COL13A1: variants seen among roughly 807,000 people sequenced by gnomAD.
COL13A1 encodes the protein collagen type XIII alpha 1 chain, also known as collagen alpha-1(XIII) chain.
COL13A1 carries 89 observed loss-of-function variants against 130.9 expected under a neutral mutation model. That is an observed-to-expected ratio of 0.68 (90% CI 0.57 to 0.81). The LOEUF (loss-of-function observed/expected upper bound fraction) is 0.81. Among genes scored for constraint, COL13A1 ranks in the 30% least tolerant of loss-of-function variants. COL13A1 has a pLI of 0.00. For synonymous variants in COL13A1, 402 were observed against 341.6 expected (o/e 1.18, Z -1.95); for missense variants, 879 against 934.6 (o/e 0.94, Z 0.78).
At chr10:69,950,337 T>C (rs1334435344) in intron 38 of COL13A1, among the ~76,000 whole-genome samples, 1 of 152,168 alleles carries the variant, frequency 6.6e-6, no homozygotes, top group Non-Finnish European at 1.5e-5. Flanking sequence ...CAGGCAACGT[T>C]ACTACTCTAA....
chr10:69,840,070 C>G (rs1851185673), intron 2 of COL13A1, among the ~76,000 whole-genome samples: 1 of 152,146 alleles, frequency 6.6e-6, no homozygotes, highest in South Asian at 2.1e-4. Flanking sequence ...GGAGAGTGTG[C>G]AGATTTTGGG....
chr10:69,878,562 A>G lies in COL13A1; in HGVS notation c.462+497A>G, dbSNP rs188270368. Among the ~76,000 whole-genome samples the G allele has an allele frequency of 3.2e-3, 483 of 151,856 alleles. 6 individuals carry two copies. Among genetic ancestry groups the G allele is most frequent in the African/African-American group, 0.011 (473 of 41,406 alleles). On this transcript the variant is annotated intron_variant, in intron 6 of 40. Transcript: ENST00000645393. ...AGTGGCGAGATCTCGGCTCACTGCA[A>G]CCTCCGTCTCCTGGGTTCAAGCAAT...
chr10:69,814,030 G>A (rs181185683), intron 1 of COL13A1, among the ~76,000 whole-genome samples: 27 of 152,260 alleles, frequency 1.8e-4, no homozygotes, highest in South Asian at 1.0e-3. Flanking sequence ...CATCTGACCC[G>A]GGACCCTGAC....
At chr10:69,817,347 T>A (rs1024506886) in intron 1 of COL13A1, among the ~76,000 whole-genome samples, 1 of 151,348 alleles carries the variant, frequency 6.6e-6, no homozygotes, top group Non-Finnish European at 1.5e-5. Flanking sequence ...GGACGGCACG[T>A]GTAGTGGTGG....
chr10:69,917,744 C>A (rs918088222), intron 18 of COL13A1, among the ~76,000 whole-genome samples: 1 of 152,006 alleles, frequency 6.6e-6, no homozygotes, highest in Non-Finnish European at 1.5e-5. Flanking sequence ...AGGGTTCACT[C>A]CAGCCACTCC....
chr10:69,868,147 G>A (rs1200462026), intron 3 of COL13A1, among the ~76,000 whole-genome samples: 1 of 146,996 alleles, frequency 6.8e-6, no homozygotes, highest in Non-Finnish European at 1.5e-5. Flanking sequence ...AAAGCACCAG[G>A]TATTAGAAGA....
intron 2 of COL13A1, among the ~76,000 whole-genome samples, chr10:69,860,915 C>A (rs4341432): frequency 1.3e-5 from 2 of 152,182 alleles, no homozygotes; most frequent in Non-Finnish European, 2.9e-5. Context: ...GCTAGGCTGG[C>A]GAACGGCTTC....
intron 34 of COL13A1, among the ~76,000 whole-genome samples, chr10:69,937,947 C>G (rs1186740670): frequency 1.3e-5 from 2 of 152,262 alleles, no homozygotes; most frequent in Non-Finnish European, 2.9e-5. Flanking sequence ...CAGGCTCCCC[C>G]ACCCCAAGGG....
At chr10:69,898,360 G>A (rs1018603732) in intron 13 of COL13A1, among the ~76,000 whole-genome samples, 22 of 152,314 alleles carry the variant, frequency 1.4e-4, no homozygotes, top group African/African-American at 4.8e-4. Flanking sequence ...GGCAAGCCTG[G>A]CCATGTGGGA....
intron 35 of COL13A1, among the ~76,000 whole-genome samples, chr10:69,942,570 A>G (rs1229146546): frequency 6.6e-6 from 1 of 151,338 alleles, no homozygotes; most frequent in African/African-American, 2.4e-5. Context: ...TCAGTATCCT[A>G]ACTTTAAGGG....
At chr10:69,863,507 AG>A (rs1361877361) in intron 2 of COL13A1, among the ~76,000 whole-genome samples, 1 of 152,152 alleles carries the variant, frequency 6.6e-6, no homozygotes, top group African/African-American at 2.4e-5. Context: ...GCGGTCAAGC[AG>A]GGTCAGAAGA....
intron 17 of COL13A1, among the ~76,000 whole-genome samples, chr10:69,914,435 G>A (rs2063707673): frequency 6.6e-6 from 1 of 152,198 alleles, no homozygotes; most frequent in Non-Finnish European, 1.5e-5. Context: ...GGAGGTATCT[G>A]ATCTAACCGC....
chr10:69,896,745 A>G (rs1163719219), intron 13 of COL13A1, among the ~76,000 whole-genome samples: 1 of 152,164 alleles, frequency 6.6e-6, no homozygotes, highest in Non-Finnish European at 1.5e-5. Context: ...GATGGGTTTA[A>G]GGCTACGGCG....
chr10:69,926,399 T>C (rs1183536774), intron 26 of COL13A1, among the ~76,000 whole-genome samples: 3 of 152,198 alleles, frequency 2.0e-5, no homozygotes, highest in African/African-American at 7.2e-5. Context: ...CGGTCCTGTG[T>C]GTTGTAGGAT....
intron 2 of COL13A1, among the ~76,000 whole-genome samples, chr10:69,823,181 C>T (rs1361889426): frequency 1.3e-5 from 2 of 152,196 alleles, no homozygotes; most frequent in East Asian, 1.9e-4. Flanking sequence ...TGCTGGGCAC[C>T]ATGCAGTGTG....
intron 10 of COL13A1, among the ~76,000 whole-genome samples, chr10:69,892,099 C>G (rs1359377522): frequency 1.3e-5 from 2 of 152,352 alleles, no homozygotes; most frequent in East Asian, 1.9e-4. Context: ...GGCCCACCCC[C>G]TCTCTCGTGA....
At chr10:69,876,191 C>G (rs1286760028) in intron 5 of COL13A1, among the ~76,000 whole-genome samples, 1 of 152,164 alleles carries the variant, frequency 6.6e-6, no homozygotes, top group East Asian at 1.9e-4. Context: ...TGGTTTCCAC[C>G]CCTACTCTTC....
chr10:69,947,483 G>T, intron 38 of COL13A1, 141 bp downstream of exon 38: 1 of 769,460 alleles, frequency 1.3e-6, no homozygotes, highest in Non-Finnish European at 2.1e-6. Flanking sequence ...TTACAAGGAG[G>T]GCCTTAACCT....
At chr10:69,838,303 T>G (rs3858154) in intron 2 of COL13A1, among the ~76,000 whole-genome samples, 35,481 of 152,222 alleles carry the variant, frequency 0.23, 4,373 homozygotes, top group African/African-American at 0.31. Flanking sequence ...ACCCAGCCAA[T>G]GCTGGAAACA....
Sources: gnomAD v4.1 joint callset for allele counts (sites outside exome capture counted in the v4.1 genomes callset) on GRCh38, gnomAD v4.1.1 for gene constraint, MANE v1.5 for transcripts, NCBI Gene and HGNC (gene_info 2026-07-23, HGNC 2026-07-21) for gene names.